The following SPAG17 variants were observed in gnomAD, a reference collection of about 807,000 sequenced individuals.
The protein encoded by SPAG17 is sperm associated antigen 17, also known as sperm-associated antigen 17.
SPAG17 carries 169 observed loss-of-function variants against 273.6 expected under a neutral mutation model. That is an observed-to-expected ratio of 0.62 (90% confidence interval 0.55 to 0.70). SPAG17 has a LOEUF of 0.70. Ranked by LOEUF, SPAG17 falls within the 30% of genes least tolerant of loss-of-function variation. The pLI, the probability that SPAG17 is intolerant of heterozygous loss-of-function variation, is 0.00. For synonymous variants in SPAG17, 825 were observed against 873.2 expected (o/e 0.94, Z 0.97); for missense variants, 2,557 against 2,627.8 (o/e 0.97, Z 0.59).
At chr1:118,057,992 T>C (rs1191157884) in intron 18 of SPAG17, among the ~76,000 whole-genome samples, 4 of 151,926 alleles carry the variant, frequency 2.6e-5, no homozygotes, top group African/African-American at 9.7e-5. Context: ...CAGAATAAAC[T>C]TAGAATATTC....
rs1011461484 is a variant in SPAG17 at position 118,054,098 on chromosome 1, A to G, written c.2723-5T>C. The G allele has an allele frequency of 4.5e-6, 7 of 1,570,998 alleles. No homozygotes were observed. The highest frequency in any genetic ancestry group is 1.7e-5 in the Admixed American group (1 of 58,574). ...TTTTGCTGATTCCTTTGTTACCTATAATCAGATAAAATTAAACTTCTTAGT... is the reference window on the plus strand; with the variant it reads ...TTTTGCTGATTCCTTTGTTACCTATGATCAGATAAAATTAAACTTCTTAGT... On this transcript the variant is annotated splice_polypyrimidine_tract_variant and splice_region_variant and intron_variant, in intron 19 of 48. Coordinates refer to ENST00000336338, the MANE Select transcript of SPAG17 (RefSeq NM_206996.4).
chr1:118,026,098 G>A (rs2101855068), intron 26 of SPAG17, among the ~76,000 whole-genome samples: 1 of 152,232 alleles, frequency 6.6e-6, no homozygotes, highest in South Asian at 2.1e-4. Context: ...CGCTGCCCTG[G>A]TGTTTCCTGG....
intron 48 of SPAG17, 146 bp from the exon 49 acceptor site, chr1:117,954,195 G>T (rs1651828535): frequency 1.0e-5 from 10 of 995,606 alleles, no homozygotes; most frequent in Non-Finnish European, 1.5e-5. Context: ...ATCAGGATAT[G>T]CAATAAATGG....
At chr1:118,169,335 T>C (rs1660313321) in intron 1 of SPAG17, among the ~76,000 whole-genome samples, 1 of 152,212 alleles carries the variant, frequency 6.6e-6, no homozygotes, top group African/African-American at 2.4e-5. Context: ...TTGGCTTTCA[T>C]TAAAACAACC....
At position 118,101,741 on chromosome 1, in the gene SPAG17, A is replaced by T. The variant is rs780624292; in HGVS notation, c.633T>A (p.Ile211=). Residue 211 remains isoleucine, a splice_region_variant and synonymous_variant, in exon 5 of 49, where the codon ATT becomes ATA. Coordinates refer to ENST00000336338, the MANE Select transcript of SPAG17 (RefSeq NM_206996.4). ...CGCCGGCAGCAGCACCTTACTGACC[A>T]ATGTAACGATTGGTGTGGTCGTCTT... ...RGEDDHTNRY[I]DDEPDDGAQH... 8.1e-6 allele frequency: 13 copies of T among 1,611,932 alleles called. No homozygotes were observed. Among genetic ancestry groups the T allele is most frequent in the Non-Finnish European group, 9.3e-6 (11 of 1,179,534 alleles).
chr1:118,183,652 A>T (rs1472368955), intron 1 of SPAG17, among the ~76,000 whole-genome samples: 1 of 152,176 alleles, frequency 6.6e-6, no homozygotes, highest in African/African-American at 2.4e-5. Flanking sequence ...CATAAGGACA[A>T]ATAGTGCCTT....
intron 25 of SPAG17, among the ~76,000 whole-genome samples, chr1:118,031,112 G>A (rs1648402967): frequency 6.7e-6 from 1 of 150,374 alleles, no homozygotes; most frequent in Admixed American, 6.6e-5. Flanking sequence ...TCTTTGTTTA[G>A]AGTCAAAGTG....
chr1:118,009,161 G>T (rs1039441491), intron 30 of SPAG17, among the ~76,000 whole-genome samples: 8 of 151,314 alleles, frequency 5.3e-5, no homozygotes, highest in African/African-American at 1.9e-4. Context: ...ATAAGTATAA[G>T]AATGTAATGT....
intron 24 of SPAG17, among the ~76,000 whole-genome samples, chr1:118,034,131 T>C (rs1393368856): frequency 6.6e-6 from 1 of 152,214 alleles, no homozygotes; most frequent in Non-Finnish European, 1.5e-5. Flanking sequence ...ATCCATTTAC[T>C]AATATTCAGT....
At chr1:118,136,806 T>C (rs1658390062) in intron 3 of SPAG17, among the ~76,000 whole-genome samples, 1 of 144,818 alleles carries the variant, frequency 6.9e-6, no homozygotes, top group Non-Finnish European at 1.5e-5. Flanking sequence ...TGTGTATGTG[T>C]GTGTGTGTGT....
intron 3 of SPAG17, among the ~76,000 whole-genome samples, chr1:118,121,882 T>A (rs1239910859): frequency 1.3e-5 from 2 of 152,240 alleles, no homozygotes; most frequent in African/African-American, 2.4e-5. Context: ...GAATATTTTT[T>A]ATTGGCATTT....
At chr1:118,104,471 G>T (rs1001804216) in intron 4 of SPAG17, among the ~76,000 whole-genome samples, 10 of 152,174 alleles carry the variant, frequency 6.6e-5, no homozygotes, top group African/African-American at 2.4e-4. Context: ...AGAGAAATTT[G>T]GCTAGAGTTA....
At chr1:117,984,059 A>C in intron 41 of SPAG17, 146 bp from the exon 42 acceptor site, 1 of 513,818 alleles carries the variant, frequency 1.9e-6, no homozygotes, top group Non-Finnish European at 3.5e-6. Context: ...CAAGAGACTG[A>C]TTAACCCAAT....
chr1:118,044,882 G>A (rs1650180276), intron 20 of SPAG17, among the ~76,000 whole-genome samples: 1 of 152,104 alleles, frequency 6.6e-6, no homozygotes, highest in African/African-American at 2.4e-5. Context: ...CACGTTTCCT[G>A]TACAGCCTGA....
intron 18 of SPAG17, among the ~76,000 whole-genome samples, chr1:118,059,330 A>G (rs1340090627): frequency 6.6e-6 from 1 of 152,140 alleles, no homozygotes; most frequent in Admixed American, 6.5e-5. Flanking sequence ...ATTTTTGTGT[A>G]TACTTTAAGA....
chr1:118,107,343 C>T lies in SPAG17; in HGVS notation c.448-5417G>A, dbSNP rs142357489. Among the ~76,000 whole-genome samples the T allele has an allele frequency of 4.7e-3, 712 of 152,230 alleles. 7 individuals are homozygous for T. Among genetic ancestry groups the T allele is most frequent in the African/African-American group, 0.016 (685 of 41,542 alleles). On this transcript the variant is annotated intron_variant, in intron 4 of 48. Transcript: ENST00000336338. ...TCCAGAGCACTCCACCCACCTCAGC[C>T]ATTCATCCTGCTCACTTCCCTTTCT...
At chr1:118,079,912 G>T (rs971395200) in intron 15 of SPAG17, among the ~76,000 whole-genome samples, 2 of 152,036 alleles carry the variant, frequency 1.3e-5, no homozygotes, top group African/African-American at 4.8e-5. Flanking sequence ...GTTGTTTAAT[G>T]TTTGACCTAG....
At chr1:118,181,262 A>G (rs146180258) in intron 1 of SPAG17, among the ~76,000 whole-genome samples, 342 of 152,238 alleles carry the variant, frequency 2.2e-3, no homozygotes, top group African/African-American at 7.9e-3. Context: ...ATAATAAACT[A>G]GCAAAAGTAA....
At chr1:118,182,535 A>G (rs547970058) in intron 1 of SPAG17, among the ~76,000 whole-genome samples, 221 of 152,152 alleles carry the variant, frequency 1.5e-3, no homozygotes, top group Non-Finnish European at 2.6e-3. Context: ...TTTTCTTTTT[A>G]TATAATTTGA....
Sources: gnomAD v4.1 joint callset for allele counts (sites outside exome capture counted in the v4.1 genomes callset) on GRCh38, gnomAD v4.1.1 for gene constraint, MANE v1.5 for transcripts, NCBI Gene and HGNC (gene_info 2026-07-23, HGNC 2026-07-21) for gene names.